The following KIF24 variants were observed in gnomAD, a reference collection of about 807,000 sequenced individuals.
The protein encoded by KIF24 is kinesin-like protein KIF24.
KIF24 carries 81 observed loss-of-function variants against 118.9 expected under a neutral mutation model. The observed-to-expected ratio is 0.68, with a 90% CI of 0.57 to 0.82. The LOEUF (loss-of-function observed/expected upper bound fraction) is 0.82. KIF24 is among the 40% of genes least tolerant of loss of function. The probability of loss-of-function intolerance (pLI) is 0.00; values close to 1 mark genes in which losing one functional copy is unlikely to be tolerated. For synonymous variants in KIF24, 599 were observed against 610.0 expected, an observed-to-expected ratio of 0.98 and a Z score of 0.27; for missense variants, 1,560 against 1,661.6, an observed-to-expected ratio of 0.94 and a Z score of 1.06.
At chr9:34,331,680 T>C (rs2131851315), upstream of KIF24, among the ~76,000 whole-genome samples, 1 of 152,286 alleles carries the variant, frequency 6.6e-6, no homozygotes, top group South Asian at 2.1e-4. Context: ...AAAAAATTGT[T>C]TTAATAAAAA....
chr9:34,298,267 G>A (rs986019406), intron 3 of KIF24, among the ~76,000 whole-genome samples: 11 of 152,104 alleles, frequency 7.2e-5, no homozygotes, highest in African/African-American at 1.9e-4. Context: ...AACAGAGGCC[G>A]GGCGCAGTGG....
At chr9:34,258,360 T>C (rs1007613555) in intron 10 of KIF24, among the ~76,000 whole-genome samples, 1 of 152,130 alleles carries the variant, frequency 6.6e-6, no homozygotes, top group African/African-American at 2.4e-5. Flanking sequence ...GCCCAGCTAC[T>C]TGGGAGGCTG....
chr9:34,293,973 T>C (rs1362412955), intron 4 of KIF24, among the ~76,000 whole-genome samples: 1 of 152,234 alleles, frequency 6.6e-6, no homozygotes, highest in Non-Finnish European at 1.5e-5. Flanking sequence ...ACATTTTCCC[T>C]TTTTTCTCTT....
chr9:34,324,386 C>G (rs1365075070), intron 1 of KIF24, among the ~76,000 whole-genome samples: 1 of 152,164 alleles, frequency 6.6e-6, no homozygotes, highest in African/African-American at 2.4e-5. Flanking sequence ...ATCCTAGAGG[C>G]CTTCTTCTCC....
intron 8 of KIF24, among the ~76,000 whole-genome samples, chr9:34,263,743 T>A (rs1218369227): frequency 2.0e-5 from 3 of 150,720 alleles, no homozygotes; most frequent in African/African-American, 7.3e-5. Context: ...TCTTAATTTT[T>A]TTTTTTTTTT....
At chr9:34,260,701 T>G (rs997639119) in intron 9 of KIF24, among the ~76,000 whole-genome samples, 1 of 152,208 alleles carries the variant, frequency 6.6e-6, no homozygotes, top group African/African-American at 2.4e-5. Context: ...CTGGGGACGG[T>G]GGCTCATGCC....
intron 3 of KIF24, among the ~76,000 whole-genome samples, chr9:34,297,676 G>A (rs1836538227): frequency 6.6e-6 from 1 of 151,758 alleles, no homozygotes; most frequent in African/African-American, 2.4e-5. Flanking sequence ...GCAGGAGAAT[G>A]GCGTGAACCC....
chr9:34,304,245 G>A (rs961880615), intron 3 of KIF24, among the ~76,000 whole-genome samples: 26 of 152,212 alleles, frequency 1.7e-4, no homozygotes, highest in African/African-American at 6.3e-4. Flanking sequence ...TCTATTTGAG[G>A]AAGAAAAAAG....
intron 1 of KIF24, among the ~76,000 whole-genome samples, chr9:34,320,332 C>CAAA (rs66835823): frequency 1.4e-3 from 150 of 106,308 alleles, no homozygotes; most frequent in South Asian, 2.3e-3. Flanking sequence ...AATGTTCCAA[C>CAAA]AAAAAAAAAA....
Position 34,254,514 on chromosome 9 carries a change from C to A in KIF24, c.3973G>T (p.Glu1325Ter). 3 of 1,613,462 alleles carry A rather than the reference C, an allele frequency of 1.9e-6. No individual in the cohort carries two copies. Among genetic ancestry groups the A allele is most frequent in the South Asian group, 1.1e-5 (1 of 91,064 alleles). Residue 1325 changes from glutamate (E) to a stop codon, truncating the protein, a stop_gained, in exon 13 of 13, where the codon GAA becomes TAA. Coordinates refer to ENST00000402558, the MANE Select transcript of KIF24 (RefSeq NM_194313.4). LOFTEE classifies it high-confidence loss of function. ...TCATCCAGCTGGGTCACAAAATCTT[C>A]AAAATCCTGAGAAGGAAACAAGGGA... ...LMSQLASNDF[E>*]DFVTQLDEIM... is the part of the protein sequence containing the mutation.
chr9:34,298,147 G>C (rs1474584147), intron 3 of KIF24, among the ~76,000 whole-genome samples: 7 of 152,190 alleles, frequency 4.6e-5, no homozygotes, highest in African/African-American at 1.7e-4. Flanking sequence ...AGTATGAACA[G>C]AGTCAAAGCA....
chr9:34,288,074 T>A (rs942329574), intron 5 of KIF24, among the ~76,000 whole-genome samples: 1 of 152,184 alleles, frequency 6.6e-6, no homozygotes, highest in African/African-American at 2.4e-5. Context: ...ATTTATCCTC[T>A]ACTTCTAGGA....
chr9:34,297,331 T>A (rs12376394), intron 3 of KIF24, among the ~76,000 whole-genome samples: 1 of 152,034 alleles, frequency 6.6e-6, no homozygotes, highest in Non-Finnish European at 1.5e-5. Context: ...AACTAAGGCA[T>A]ACATTTTTTG....
intron 1 of KIF24, among the ~76,000 whole-genome samples, chr9:34,320,650 C>A: frequency 9.4e-6 from 1 of 106,598 alleles, no homozygotes; most frequent in Admixed American, 1.1e-4. Flanking sequence ...AAGAATCAAA[C>A]TCCTTCTCAA....
intron 5 of KIF24, among the ~76,000 whole-genome samples, chr9:34,287,999 C>T (rs1251371785): frequency 6.6e-6 from 1 of 151,850 alleles, no homozygotes; most frequent in Non-Finnish European, 1.5e-5. Context: ...TCTGAGCCCA[C>T]CCCAGAAAGA....
chr9:34,330,427 A>G (rs896600256), upstream of KIF24, among the ~76,000 whole-genome samples: 1 of 152,152 alleles, frequency 6.6e-6, no homozygotes, highest in East Asian at 1.9e-4. Flanking sequence ...AAACAAAAAA[A>G]AACTGAATGC....
intron 4 of KIF24, among the ~76,000 whole-genome samples, chr9:34,293,477 C>CA (rs35730248): frequency 0.26 from 31,762 of 121,896 alleles, 5,694 homozygotes; most frequent in East Asian, 0.62. Context: ...GACTCTATCT[C>CA]AAAAAAAAAA....
chr9:34,302,324 G>A (rs1836750051), intron 3 of KIF24, among the ~76,000 whole-genome samples: 1 of 151,768 alleles, frequency 6.6e-6, no homozygotes, highest in African/African-American at 2.4e-5. Context: ...TTATTTTTAA[G>A]ACAGAGTCTT....
In KIF24 at chr9:34,286,667, T is replaced by A; in HGVS notation, c.1165A>T (p.Ile389Leu). 1 of 1,613,720 alleles carries A rather than the reference T, an allele frequency of 6.2e-7. No homozygotes were observed. Reference protein sequence around the residue: ...AREDSKHMVQIVGLQELQVDS... With the variant: ...AREDSKHMVQLVGLQELQVDS... ...ACCTGAAGCTCTTGCAGTCCCACTA[T>A]CTGCACCATGTGCTTGCTATCTTCT... The change falls in exon 6 of 13, where the codon ATA (isoleucine) becomes TTA (leucine). Residue 389 changes from isoleucine (I) to leucine (L), a missense_variant. Transcript: ENST00000402558.
Sources: allele counts gnomAD v4.1 joint callset (sites outside exome capture counted in the v4.1 genomes callset), GRCh38; gene constraint gnomAD v4.1.1; transcripts MANE v1.5; gene names NCBI Gene and HGNC (gene_info 2026-07-23, HGNC 2026-07-21).